Variants in ELK4 observed in about 807,000 individuals in gnomAD.
The protein encoded by ELK4 is ETS transcription factor ELK4.
Under a neutral mutation model 29.6 loss-of-function variants are expected in ELK4, and 16 were observed. The observed-to-expected ratio is 0.54, with a 90% confidence interval of 0.37 to 0.82. ELK4 has a LOEUF of 0.82. Among genes scored for constraint, ELK4 ranks in the 40% least tolerant of loss-of-function variants. ELK4 has a pLI of 0.00. For synonymous variants in ELK4, 213 were observed against 191.1 expected (o/e 1.11, Z -0.95); for missense variants, 465 against 507.1 (o/e 0.92, Z 0.80).
chr1:205,631,409 G>A (rs1670583271), intron 1 of ELK4, among the ~76,000 whole-genome samples: 1 of 1,738 alleles, frequency 5.8e-4, no homozygotes, highest in African/African-American at 6.1e-4. Context: ...AGACTTCGGG[G>A]GACCAAGAGG....
rs1670547162 is a variant in ELK4 at position 205,630,060 on chromosome 1, C to A, written c.-10+1572G>T. 2.0e-5 allele frequency among the ~76,000 whole-genome samples: 3 copies of A among 150,836 alleles called. No homozygotes were observed. The South Asian group carries it at 6.3e-4, about 32-fold the overall frequency. On this transcript the variant is annotated intron_variant, in intron 1 of 4. Coordinates refer to ENST00000357992, the MANE Select transcript of ELK4 (RefSeq NM_001973.4). ...TAACAAAAACAAAAACACAACAAAA[C>A]AAAACCAAACAAAACCTTTTATTCT...
intron 3 of ELK4, chr1:205,619,644 T>TGTTTTATAAGACACCAACGA: frequency 7.4e-7 from 1 of 1,347,072 alleles, no homozygotes; most frequent in Non-Finnish European, 9.5e-7. Context: ...TATCACTGTT[T>TGTTTTATAAGACACCAACGA]GTTTTATAAG....
intron 1 of ELK4, among the ~76,000 whole-genome samples, chr1:205,628,043 CTAAT>C (rs1401534055): frequency 1.2e-4 from 18 of 152,270 alleles, no homozygotes; most frequent in African/African-American, 4.3e-4. Context: ...ACTCATATCG[CTAAT>C]TGATTGTAAA....
intron 3 of ELK4, chr1:205,619,334 G>C: frequency 9.4e-7 from 1 of 1,067,400 alleles, no homozygotes; most frequent in Non-Finnish European, 1.1e-6. Context: ...TTACATGGAT[G>C]AGTTCTTTGG....
intron 1 of ELK4, among the ~76,000 whole-genome samples, chr1:205,624,567 G>C (rs1243648734): frequency 6.6e-6 from 1 of 152,164 alleles, no homozygotes; most frequent in Non-Finnish European, 1.5e-5. Flanking sequence ...ATTCTCCTTT[G>C]ATTAGCAATC....
chr1:205,623,271 T>A (rs1385803232), intron 2 of ELK4, among the ~76,000 whole-genome samples: 1 of 150,796 alleles, frequency 6.6e-6, no homozygotes, highest in East Asian at 1.9e-4. Flanking sequence ...TAAAATAAAC[T>A]AGGAAATTGG....
Position 205,620,729 on chromosome 1 carries a change from T to C in ELK4, c.317A>G (p.Glu106Gly). The C allele has an allele frequency of 6.2e-7, 1 of 1,614,120 alleles. No homozygotes were observed. The highest frequency in any genetic ancestry group is 8.5e-7 in the Non-Finnish European group (1 of 1,180,010). ...MTVGRIEGDCESLNFSEVSSS... is the reference protein window; with the variant it reads ...MTVGRIEGDCGSLNFSEVSSS... ...GCTGACTTCACTGAAGTTTAAACTT[T>C]CACAGTCACCCTCAATCCTGCCCAC... The change falls in exon 3 of 5, where the codon GAA becomes GGA. Residue 106 changes from glutamate (E) to glycine (G), a missense_variant. Glu to Gly is a moderately conservative substitution (Grantham distance 98). This residue lies in a region of ELK4 where 385 missense variants were observed against 387.5 expected (regional missense o/e 0.99). Coordinates refer to ENST00000357992, the MANE Select transcript of ELK4 (RefSeq NM_001973.4).
rs187990763 is a variant in ELK4 at position 205,611,766 on chromosome 1, T to C, written c.*4780A>G. 112 of 194,778 alleles carry C rather than the reference T, an allele frequency of 5.8e-4. No homozygotes were observed. The highest frequency in any genetic ancestry group is 2.6e-3 in the Admixed American group (43 of 16,448). The allele number at this position is 194,778 out of a possible 1,614,324, so 12.1% of individuals were successfully genotyped here. On this transcript the variant is annotated 3_prime_UTR_variant, in exon 5 of 5. Coordinates refer to ENST00000357992, the MANE Select transcript of ELK4 (RefSeq NM_001973.4). ...CCAGATTTCTGCACAGAGACCTGCA[T>C]TGGTCTCCAAACTTGTTTTCATACC...
rs759182674 is a variant in ELK4 at position 205,620,366 on chromosome 1, G to A, written c.680C>T (p.Thr227Ile). Residue 227 changes from threonine to isoleucine, a missense_variant, in exon 3 of 5, where the codon ACA becomes ATA. Thr to Ile is a moderately conservative substitution (Grantham distance 89). Transcript: ENST00000357992. ...GGAAGGCAGTTTTGGGGAAACCAAT[G>A]TCTCCAAAGCTTGGATAGTTTCTTC... ...SSEETIQALE[T>I]LVSPKLPSLE... is the part of the protein sequence containing the mutation. 4 of 1,614,196 alleles carry A rather than the reference G, an allele frequency of 2.5e-6. No homozygotes were observed. Among genetic ancestry groups the A allele is most frequent in the Non-Finnish European group, 3.4e-6 (4 of 1,180,036 alleles).
Position 205,609,377 on chromosome 1 carries a change from G to GC in ELK4, c.*7168dup, listed in dbSNP as rs1181608141. The GC allele has an allele frequency of 5.2e-6, 1 of 192,556 alleles. No homozygotes were observed. Among genetic ancestry groups the GC allele is most frequent in the Non-Finnish European group, 1.1e-5 (1 of 92,280 alleles). 11.9% of individuals were successfully genotyped at this position (192,556 alleles called of 1,614,324 possible). On this transcript the variant is annotated 3_prime_UTR_variant, in exon 5 of 5. Transcript: ENST00000357992. ...CTGAATTTCATATTTAATCTTCCCT[G>GC]CCCACAAAGATAAATGAAACTGCTC...
intron 4 of ELK4, among the ~76,000 whole-genome samples, 187 bp from the exon 5 acceptor site, chr1:205,616,831 CTAACA>C: frequency 6.6e-6 from 1 of 152,282 alleles, no homozygotes; most frequent in South Asian, 2.1e-4. Flanking sequence ...ATCTTTTGTC[CTAACA>C]TATTAAATAT....
chr1:205,620,265 A>G lies in ELK4; in HGVS notation c.781T>C (p.Leu261=). 6.2e-7 allele frequency: 1 copy of G among 1,614,156 alleles called. No individual in the cohort carries two copies. Among genetic ancestry groups the G allele is most frequent in the Non-Finnish European group, 8.5e-7 (1 of 1,180,028 alleles). ...TTPPISSIPP[L]QEPPRTPSPP... is the part of the protein sequence containing the mutation. ...GAAGGTGTTCTGGGAGGTTCCTGCAAAGGGGGTATGGACGAAATGGGTGGT... is the reference window on the plus strand; with the variant it reads ...GAAGGTGTTCTGGGAGGTTCCTGCAGAGGGGGTATGGACGAAATGGGTGGT... The change falls in exon 3 of 5, where the codon TTG becomes CTG. Residue 261 remains leucine, a synonymous_variant. Coordinates refer to ENST00000357992, the MANE Select transcript of ELK4 (RefSeq NM_001973.4).
rs891237975 is a variant in ELK4 at position 205,610,468 on chromosome 1, CT to C, written c.*6077del. The stretch of plus-strand genomic sequence containing the variant: ...ACCTCCTCTTTGAGAAACTTACAAA[CT>C]AATAAAGATTTTACACAAAAGCAAA... On this transcript the variant is annotated 3_prime_UTR_variant, in exon 5 of 5. Transcript: ENST00000357992. The C allele has an allele frequency of 4.4e-6, 1 of 229,876 alleles. No individual in the cohort carries two copies. Among genetic ancestry groups the C allele is most frequent in the Non-Finnish European group, 8.6e-6 (1 of 116,150 alleles). 14.2% of individuals were successfully genotyped at this position (229,876 alleles called of 1,614,324 possible).
intron 1 of ELK4, among the ~76,000 whole-genome samples, chr1:205,626,907 C>T (rs987284542): frequency 3.9e-5 from 6 of 152,066 alleles, no homozygotes; most frequent in African/African-American, 1.4e-4. Flanking sequence ...ACTAAATGTC[C>T]GTCAACTGAT....
At position 205,620,669 on chromosome 1, in the gene ELK4, T is replaced by C. The variant is rs1170030422; in HGVS notation, c.377A>G (p.Asp126Gly). Residue 126 changes from aspartate (D) to glycine (G), a missense_variant, in exon 3 of 5, where the codon GAT (aspartate) becomes GGT (glycine). Transcript: ENST00000357992. ...SSKDVENGGK[D>G]KPPQPGAKTS... ...CTTGGCACCAGGCTGAGGTGGTTTA[T>C]CTTTCCCTCCATTCTCCACATCTTT... 6.2e-7 allele frequency: 1 copy of C among 1,614,218 alleles called. No individual in the cohort carries two copies. The highest frequency in any genetic ancestry group is 1.1e-5 in the South Asian group (1 of 91,084).
At chr1:205,616,744 G>C (rs1670237243) in intron 4 of ELK4, 100 bp from the exon 5 acceptor site, 1 of 939,834 alleles carries the variant, frequency 1.1e-6, no homozygotes, top group Non-Finnish European at 1.6e-6. Flanking sequence ...ACAGCCTTCT[G>C]TAATGGCTCA....
chr1:205,622,565 G>C (rs1670372204), intron 2 of ELK4, among the ~76,000 whole-genome samples: 1 of 152,060 alleles, frequency 6.6e-6, no homozygotes, highest in Non-Finnish European at 1.5e-5. Context: ...ACTGTTTTTT[G>C]TAGAGACGGG....
chr1:205,615,460 G>T lies in ELK4; in HGVS notation c.*1086C>A. On this transcript the variant is annotated 3_prime_UTR_variant, in exon 5 of 5. Coordinates refer to ENST00000357992, the MANE Select transcript of ELK4 (RefSeq NM_001973.4). ...CTCCTGACTGGGGAGGCTTCACTTT[G>T]AATTCTACCTTCCTAACTGCATCTT... 7 of 157,308 alleles carry T rather than the reference G, an allele frequency of 4.4e-5. No homozygotes were observed. Among genetic ancestry groups the T allele is most frequent in the East Asian group, 2.7e-4 (2 of 7,398 alleles). The allele number at this position is 157,308 out of a possible 1,614,324, so 9.7% of individuals were successfully genotyped here.
chr1:205,618,332 C>T (rs903283447), intron 4 of ELK4, among the ~76,000 whole-genome samples: 19 of 152,058 alleles, frequency 1.2e-4, no homozygotes, highest in African/African-American at 4.1e-4. Context: ...ACTGCCTGGC[C>T]CATTTTTTTT....
Sources: allele counts gnomAD v4.1 joint callset (sites outside exome capture counted in the v4.1 genomes callset), GRCh38; gene constraint gnomAD v4.1.1; regional missense constraint gnomAD v4.1.1; transcripts MANE v1.5; gene names NCBI Gene and HGNC (gene_info 2026-07-23, HGNC 2026-07-21).